The following CACNA2D3 variants were observed in gnomAD, a reference collection of about 807,000 sequenced individuals.
CACNA2D3 encodes voltage-dependent calcium channel subunit alpha-2/delta-3.
CACNA2D3 carries 60 observed loss-of-function variants against 160.6 expected under a neutral mutation model. That is an observed-to-expected ratio of 0.37 (90% confidence interval 0.30 to 0.46). CACNA2D3 has a LOEUF of 0.46. CACNA2D3 is among the 20% of genes least tolerant of loss of function. The pLI is 1.00. For missense variants in CACNA2D3, 1,205 were observed against 1,365.0 expected (o/e 0.88, Z 1.85); for synonymous variants, 558 against 492.9 (o/e 1.13, Z -1.75).
intron 11 of CACNA2D3, among the ~76,000 whole-genome samples, chr3:54,724,888 C>G (rs1701246632): frequency 6.6e-6 from 1 of 152,150 alleles, no homozygotes; most frequent in South Asian, 2.1e-4. Context: ...AATTCAAAAT[C>G]TAGCAGAAGA....
chr3:54,944,575 C>T (rs1317111396), intron 27 of CACNA2D3, among the ~76,000 whole-genome samples: 3 of 152,196 alleles, frequency 2.0e-5, no homozygotes, highest in South Asian at 2.1e-4. Context: ...CGCCCACCAC[C>T]CTGCCTGGCT....
At chr3:54,724,003 G>C (rs1701227906) in intron 11 of CACNA2D3, among the ~76,000 whole-genome samples, 2 of 152,216 alleles carry the variant, frequency 1.3e-5, no homozygotes, top group Non-Finnish European at 2.9e-5. Context: ...AGACCCATCA[G>C]TGTGCTGTAT....
intron 2 of CACNA2D3, among the ~76,000 whole-genome samples, chr3:54,152,766 C>CT (rs1360370291): frequency 6.6e-6 from 1 of 152,178 alleles, no homozygotes; most frequent in Non-Finnish European, 1.5e-5. Context: ...TATGATTGAT[C>CT]TTTTTAATAC....
intron 2 of CACNA2D3, among the ~76,000 whole-genome samples, chr3:54,273,362 G>A (rs1041248305): frequency 6.6e-6 from 1 of 151,922 alleles, no homozygotes; most frequent in Admixed American, 6.6e-5. Context: ...TTGTCTCTTT[G>A]TCTGTGTCTG....
At chr3:54,388,689 A>ATGATTGCTCC in intron 4 of CACNA2D3, among the ~76,000 whole-genome samples, 1 of 152,158 alleles carries the variant, frequency 6.6e-6, no homozygotes. Flanking sequence ...CAGTTCTCAC[A>ATGATTGCTCC]AAGATCTAGG....
intron 2 of CACNA2D3, among the ~76,000 whole-genome samples, chr3:54,258,784 C>A (rs535526978): frequency 7.2e-5 from 11 of 152,236 alleles, no homozygotes; most frequent in African/African-American, 2.4e-4. Context: ...TGAACACTTT[C>A]ATAACACCTG....
chr3:54,977,882 C>T (rs990291545), intron 29 of CACNA2D3, among the ~76,000 whole-genome samples: 1 of 152,124 alleles, frequency 6.6e-6, no homozygotes, highest in South Asian at 2.1e-4. Flanking sequence ...GTTCCATAGG[C>T]AGAGCAGCCT....
chr3:54,445,260 C>T (rs935069562), intron 4 of CACNA2D3, among the ~76,000 whole-genome samples: 1 of 152,170 alleles, frequency 6.6e-6, no homozygotes, highest in Admixed American at 6.5e-5. Context: ...AGCTGGAAAC[C>T]CAGATTTGGA....
intron 5 of CACNA2D3, among the ~76,000 whole-genome samples, chr3:54,533,596 A>G (rs375277322): frequency 7.3e-4 from 111 of 152,152 alleles, no homozygotes; most frequent in African/African-American, 2.6e-3. Flanking sequence ...CAGCTTCCCA[A>G]AGTGCTGGGA....
rs1559573595 is a variant in CACNA2D3 at position 54,763,758 on chromosome 3, C to CATATAT, written c.1247-459_1247-458insTATATA. Among the ~76,000 whole-genome samples the CATATAT allele has an allele frequency of 1.0e-3, 29 of 28,620 alleles. 2 individuals are homozygous for CATATAT. The highest frequency in any genetic ancestry group is 2.5e-3 in the Non-Finnish European group (26 of 10,542). 18.8% of individuals were successfully genotyped at this position (28,620 alleles called of 152,430 possible). A position where few individuals can be genotyped will look rare whatever the true frequency, so the allele number is the denominator to read the frequency against. ...ATGTGTATATATGTGCATATATATA[C>CATATAT]ACATATATATGTATATATGTACATA... On this transcript the variant is annotated intron_variant, in intron 12 of 37. Transcript: ENST00000474759.
intron 2 of CACNA2D3, among the ~76,000 whole-genome samples, chr3:54,152,412 C>T (rs943795373): frequency 1.3e-5 from 2 of 152,160 alleles, no homozygotes; most frequent in African/African-American, 4.8e-5. Flanking sequence ...AATCCATGAG[C>T]GACTTTGTCT....
chr3:54,895,295 A>G lies in CACNA2D3; in HGVS notation c.2247-1454A>G, dbSNP rs185718646. 2.0e-3 allele frequency among the ~76,000 whole-genome samples: 298 copies of G among 152,320 alleles called. 1 individual carries two copies. Among genetic ancestry groups the G allele is most frequent in the African/African-American group, 7.0e-3 (289 of 41,568 alleles). On this transcript the variant is annotated intron_variant, in intron 25 of 37. Coordinates refer to ENST00000474759, the MANE Select transcript of CACNA2D3 (RefSeq NM_018398.3). ...TTCTTGTGATCATTAAGCATACACC[A>G]AGCGCCTGCTGAGAGCCAGGCCCTG...
At chr3:54,784,994 G>A (rs1436155824) in intron 13 of CACNA2D3, among the ~76,000 whole-genome samples, 1 of 152,146 alleles carries the variant, frequency 6.6e-6, no homozygotes, top group Non-Finnish European at 1.5e-5. Context: ...GCCAGAGAGT[G>A]TGCATTAGGA....
chr3:54,224,878 A>G (rs1312777780), intron 2 of CACNA2D3, among the ~76,000 whole-genome samples: 4 of 150,078 alleles, frequency 2.7e-5, no homozygotes, highest in African/African-American at 9.8e-5. Context: ...TACTAATGTC[A>G]GTTAAAAAAA....
intron 26 of CACNA2D3, chr3:54,897,099 A>T (rs1466124965): frequency 2.0e-6 from 1 of 506,656 alleles, no homozygotes; most frequent in East Asian, 3.2e-5. Flanking sequence ...GTATTTCAGG[A>T]AGCAGGGCTG....
At chr3:54,467,757 G>A (rs1472243719) in intron 4 of CACNA2D3, among the ~76,000 whole-genome samples, 2 of 152,164 alleles carry the variant, frequency 1.3e-5, no homozygotes, top group Non-Finnish European at 2.9e-5. Flanking sequence ...GGAGAGATTG[G>A]TTGATAGGTA....
chr3:54,851,454 A>G (rs1441966375), intron 17 of CACNA2D3, among the ~76,000 whole-genome samples: 1 of 152,214 alleles, frequency 6.6e-6, no homozygotes, highest in Admixed American at 6.5e-5. Flanking sequence ...ACATAACTGG[A>G]AAGTGCCAGA....
In CACNA2D3 at chr3:54,806,498, G is replaced by T. The variant is rs1703130291; in HGVS notation, c.1381-10355G>T. On this transcript the variant is annotated intron_variant, in intron 13 of 37. Transcript: ENST00000474759. ...ATACCTAGGAATCCAACTTACAAGG[G>T]ATGTGAAGGACCTCTTCAAGGAGAA... Among the ~76,000 whole-genome samples the T allele has an allele frequency of 3.3e-5, 5 of 151,992 alleles. No homozygotes were observed. The South Asian group carries it at 1.0e-3, about 32-fold the overall frequency.
At chr3:54,423,973 C>T (rs756625573) in intron 4 of CACNA2D3, among the ~76,000 whole-genome samples, 6 of 151,696 alleles carry the variant, frequency 4.0e-5, no homozygotes, top group Non-Finnish European at 5.9e-5. Context: ...CTCACTGCAG[C>T]CTCAAACCCC....
Sources: gnomAD v4.1 joint callset for allele counts (sites outside exome capture counted in the v4.1 genomes callset) on GRCh38, gnomAD v4.1.1 for gene constraint, MANE v1.5 for transcripts, NCBI Gene and HGNC (gene_info 2026-07-23, HGNC 2026-07-21) for gene names.